FAT4: variants seen among roughly 807,000 people sequenced by gnomAD.
FAT4 encodes the protein protocadherin Fat 4.
A neutral mutation model predicts 303.9 loss-of-function variants in FAT4; 84 were observed. That is an observed-to-expected ratio of 0.28 (90% CI 0.23 to 0.33). FAT4 has a LOEUF of 0.33. Ranked by LOEUF, FAT4 falls within the 10% of genes least tolerant of loss-of-function variation. The pLI is 1.00. For missense variants in FAT4, 6,005 were observed against 6,146.8 expected (o/e 0.98, Z 0.77); for synonymous variants, 2,307 against 2,298.8 (o/e 1.00, Z -0.10).
At chr4:125,368,522 G>GTATATATA (rs11391727) in intron 2 of FAT4, among the ~76,000 whole-genome samples, 1 of 133,798 alleles carries the variant, frequency 7.5e-6, no homozygotes, top group South Asian at 2.3e-4. Flanking sequence ...TTATATATAT[G>GTATATATA]TATATATATA....
chr4:125,487,668 C>T, intron 17 of FAT4, 62 bp downstream of exon 17: 1 of 1,481,878 alleles, frequency 6.7e-7, no homozygotes, highest in African/African-American at 1.4e-5. Context: ...AAAGTAATTG[C>T]TTTTTCTTGT....
At position 125,490,055 on chromosome 4, in the gene FAT4, T is replaced by C; in HGVS notation, c.13239T>C (p.Gly4413=). ...PNICASNPCW[G]DLLCINQWYA... is the part of the protein sequence containing the mutation. ...TTTGTGCCAGCAACCCCTGCTGGGG[T>C]GATTTGCTGTGCATTAATCAGTGGT... The change falls in exon 18 of 18, where the codon GGT becomes GGC. Residue 4413 remains glycine, a synonymous_variant. Coordinates refer to ENST00000394329, the MANE Select transcript of FAT4 (RefSeq NM_001291303.3). 1.2e-6 allele frequency: 2 copies of C among 1,613,948 alleles called. No individual in the cohort carries two copies. Among genetic ancestry groups the C allele is most frequent in the South Asian group, 1.1e-5 (1 of 91,064 alleles).
At chr4:125,429,920 G>A (rs1435076079) in intron 7 of FAT4, among the ~76,000 whole-genome samples, 1 of 152,110 alleles carries the variant, frequency 6.6e-6, no homozygotes, top group Non-Finnish European at 1.5e-5. Flanking sequence ...CAAATAGGAT[G>A]TATCCACTAC....
intron 7 of FAT4, among the ~76,000 whole-genome samples, chr4:125,427,337 T>C (rs1725118815): frequency 6.6e-6 from 1 of 152,038 alleles, no homozygotes; most frequent in Non-Finnish European, 1.5e-5. Context: ...GTAATTATTT[T>C]AGTTTTACTT....
intron 2 of FAT4, among the ~76,000 whole-genome samples, chr4:125,351,119 T>G (rs190562254): frequency 5.3e-5 from 8 of 151,836 alleles, no homozygotes; most frequent in African/African-American, 1.9e-4. Flanking sequence ...ATAAAACTTT[T>G]TTGTTGTTTT....
intron 8 of FAT4, among the ~76,000 whole-genome samples, chr4:125,436,623 C>T (rs998018685): frequency 6.6e-6 from 1 of 152,058 alleles, no homozygotes; most frequent in African/African-American, 2.4e-5. Context: ...CATATAGTTC[C>T]ACATTGGCTG....
intron 2 of FAT4, among the ~76,000 whole-genome samples, chr4:125,396,684 G>A (rs928333024): frequency 6.6e-6 from 1 of 151,866 alleles, no homozygotes; most frequent in African/African-American, 2.4e-5. Context: ...CACAAGGGTG[G>A]CTTGTTGCTT....
In FAT4 at chr4:125,318,259, A is replaced by C. The variant is rs141490831; in HGVS notation, c.1848A>C (p.Gly616=). The change falls in exon 2 of 18, where the codon GGA becomes GGC. Residue 616 remains glycine (G), a synonymous_variant. Transcript: ENST00000394329. ...RATDGDLGDN[G]TVRFSLQEAE... ...CTGACGGGGACCTGGGTGACAACGG[A>C]ACAGTGCGCTTCTCCTTACAAGAGG... 6.2e-7 allele frequency: 1 copy of C among 1,614,182 alleles called. No homozygotes were observed. Among genetic ancestry groups the C allele is most frequent in the East Asian group, 2.2e-5 (1 of 44,868 alleles).
At chr4:125,469,148 A>G (rs1726776033) in intron 12 of FAT4, among the ~76,000 whole-genome samples, 1 of 152,182 alleles carries the variant, frequency 6.6e-6, no homozygotes, top group Admixed American at 6.5e-5. Flanking sequence ...CCTTGACTGA[A>G]GAAACAATTT....
intron 14 of FAT4, among the ~76,000 whole-genome samples, chr4:125,477,964 G>T (rs1560632216): frequency 6.6e-6 from 1 of 152,026 alleles, no homozygotes; most frequent in African/African-American, 2.4e-5. Flanking sequence ...ACCACCCAGA[G>T]ACAACTACTC....
chr4:125,439,964 C>G (rs1191899397), intron 8 of FAT4, among the ~76,000 whole-genome samples: 1 of 152,158 alleles, frequency 6.6e-6, no homozygotes, highest in Non-Finnish European at 1.5e-5. Context: ...TACTAACCAC[C>G]TACTATGTAT....
intron 10 of FAT4, among the ~76,000 whole-genome samples, chr4:125,456,757 A>G (rs1389842937): frequency 1.3e-5 from 2 of 152,174 alleles, no homozygotes; most frequent in Non-Finnish European, 2.9e-5. Flanking sequence ...ATATACCAAA[A>G]CATCTTAACA....
At chr4:125,419,428 T>C (rs1346493472) in intron 7 of FAT4, among the ~76,000 whole-genome samples, 1 of 152,176 alleles carries the variant, frequency 6.6e-6, no homozygotes, top group African/African-American at 2.4e-5. Flanking sequence ...CCTGAATTTA[T>C]CCACTTTTCT....
chr4:125,415,853 C>G lies in FAT4; in HGVS notation c.6843+47C>G, dbSNP rs751770902. 2.7e-5 allele frequency: 38 copies of G among 1,427,118 alleles called. No individual in the cohort carries two copies. The Middle Eastern group carries it at 1.3e-3, about 48-fold the overall frequency. The allele number at this position is 1,427,118 out of a possible 1,614,324, so 88.4% of individuals were successfully genotyped here. ...AAGTATTGTCTTAATTATAAGACAT[C>G]TATTTGAAAACCTCCCCTCTTCTAC... On this transcript the variant is annotated intron_variant, in intron 6 of 17. Transcript: ENST00000394329.
At chr4:125,363,444 A>G (rs1732747063) in intron 2 of FAT4, among the ~76,000 whole-genome samples, 1 of 151,890 alleles carries the variant, frequency 6.6e-6, no homozygotes, top group Non-Finnish European at 1.5e-5. Flanking sequence ...ATACCATGTT[A>G]GTTTAATTTT....
chr4:125,387,642 C>A (rs534830099), intron 2 of FAT4, among the ~76,000 whole-genome samples: 74 of 152,082 alleles, frequency 4.9e-4, no homozygotes, highest in Middle Eastern at 3.4e-3. Flanking sequence ...TTGAGTTGCC[C>A]CTGACAGATA....
At chr4:125,387,009 C>T (rs573919680) in intron 2 of FAT4, among the ~76,000 whole-genome samples, 1 of 152,248 alleles carries the variant, frequency 6.6e-6, no homozygotes, top group Non-Finnish European at 1.5e-5. Flanking sequence ...CCTTCGCATG[C>T]ACCATTCACA....
rs757276227 is a variant in FAT4 at position 125,320,349 on chromosome 4, C to A, written c.3938C>A (p.Pro1313His). The A allele has an allele frequency of 6.2e-7, 1 of 1,613,808 alleles. No homozygotes were observed. The highest frequency in any genetic ancestry group is 1.3e-5 in the African/African-American group (1 of 74,916). Reference protein sequence around the residue: ...IDILDENDNTPSFPKSTLFVD... With the variant: ...IDILDENDNTHSFPKSTLFVD... ...ATTTTAGATGAAAATGACAATACCC[C>A]TTCTTTCCCTAAATCAACACTCTTT... The change falls in exon 2 of 18, where the codon CCT becomes CAT. Residue 1313 changes from proline (P) to histidine (H), a missense_variant. Physicochemically the swap from Pro to His is moderately conservative, Grantham distance 77. Transcript: ENST00000394329.
At chr4:125,443,041 G>T (rs1725710945) in intron 8 of FAT4, among the ~76,000 whole-genome samples, 1 of 152,070 alleles carries the variant, frequency 6.6e-6, no homozygotes, top group South Asian at 2.1e-4. Flanking sequence ...TATTCATGGG[G>T]TTTAAATTTA....
Sources: allele counts gnomAD v4.1 joint callset (sites outside exome capture counted in the v4.1 genomes callset), GRCh38; gene constraint gnomAD v4.1.1; transcripts MANE v1.5; gene names NCBI Gene and HGNC (gene_info 2026-07-23, HGNC 2026-07-21).